The following SLC2A4 variants were observed in gnomAD, a reference collection of about 807,000 sequenced individuals.
SLC2A4 encodes the protein solute carrier family 2, facilitated glucose transporter member 4.
In SLC2A4, 31 loss-of-function variants were observed where a neutral mutation model predicts 53.3. The ratio of observed to expected loss-of-function variants is 0.58; its 90% CI spans 0.44 to 0.78. The LOEUF (loss-of-function observed/expected upper bound fraction) is 0.78. SLC2A4 is among the 30% of genes least tolerant of loss of function. The probability of loss-of-function intolerance (pLI) is 0.00; values close to 1 mark genes in which losing one functional copy is unlikely to be tolerated. For synonymous variants in SLC2A4, 276 were observed against 281.9 expected (o/e 0.98, Z 0.21); for missense variants, 538 against 655.7 (o/e 0.82, Z 1.96).
At position 7,283,659 on chromosome 17, in the gene SLC2A4, G is replaced by A; in HGVS notation, c.323+14G>A. 6.2e-7 allele frequency: 1 copy of A among 1,613,924 alleles called. No homozygotes were observed. The highest frequency in any genetic ancestry group is 1.1e-5 in the South Asian group (1 of 91,070). On this transcript the variant is annotated intron_variant, in intron 3 of 10. Coordinates refer to ENST00000317370, the MANE Select transcript of SLC2A4 (RefSeq NM_001042.3). The surrounding 1 kb of genome is among the most constrained non-coding windows in gnomAD (Gnocchi z 5.8). Reference sequence around the variant, plus strand: ...GTGGCTTGGAAGGTTCGCAGCTGGAGGGCAGGGGTGGGGGAAACAGGAAGG... The same window carrying A: ...GTGGCTTGGAAGGTTCGCAGCTGGAAGGCAGGGGTGGGGGAAACAGGAAGG...
chr17:7,287,068 T>A lies in SLC2A4; in HGVS notation c.*439T>A. On this transcript the variant is annotated 3_prime_UTR_variant, in exon 11 of 11. Coordinates refer to ENST00000317370, the MANE Select transcript of SLC2A4 (RefSeq NM_001042.3). ...CCACCACCTTGGACTCCTCCCACAA[T>A]CTGGGACTTTCACTGAATTCTTGCC... 1 of 172,390 alleles carries A rather than the reference T, an allele frequency of 5.8e-6. No homozygotes were observed. Among genetic ancestry groups the A allele is most frequent in the Non-Finnish European group, 1.2e-5 (1 of 80,346 alleles). The allele number at this position is 172,390 out of a possible 1,614,324, so 10.7% of individuals were successfully genotyped here.
chr17:7,286,287 T>C, intron 10 of SLC2A4, 139 bp from the exon 11 acceptor site: 1 of 782,412 alleles, frequency 1.3e-6, no homozygotes, highest in African/African-American at 1.7e-5. Flanking sequence ...TCCTGCTCAT[T>C]TCCCTTGTCC....
Position 7,283,874 on chromosome 17 carries a change from C to A in SLC2A4, c.448+12C>A, listed in dbSNP as rs1335344446. Reference sequence around the variant, plus strand: ...TGGCGCCTACTCAGGTACTCACGGGCACCACAGCCCTGCCTAGCGCCCTGT... The same window carrying A: ...TGGCGCCTACTCAGGTACTCACGGGAACCACAGCCCTGCCTAGCGCCCTGT... On this transcript the variant is annotated intron_variant, in intron 4 of 10. Coordinates refer to ENST00000317370, the MANE Select transcript of SLC2A4 (RefSeq NM_001042.3). This position sits in a 1 kb window ranked among gnomAD's most constrained non-coding sequence, Gnocchi z 5.8. The A allele has an allele frequency of 6.2e-7, 1 of 1,614,172 alleles. No individual in the cohort carries two copies. The highest frequency in any genetic ancestry group is 2.2e-5 in the East Asian group (1 of 44,888).
chr17:7,284,240 G>A lies in SLC2A4; in HGVS notation c.588G>A (p.Leu196=). The change falls in exon 6 of 11, where the codon CTG becomes CTA. Residue 196 remains leucine, a synonymous_variant. Transcript: ENST00000317370. The surrounding 1 kb of genome is among the most constrained non-coding windows in gnomAD (Gnocchi z 7.5). ...AGGTGCTGGGCTTGGAGTCCCTCCT[G>A]GGCACTGCCAGCCTGTGGCCACTGC... ...IAQVLGLESL[L]GTASLWPLLL... 1 of 1,613,362 alleles carries A rather than the reference G, an allele frequency of 6.2e-7. No individual in the cohort carries two copies. The highest frequency in any genetic ancestry group is 1.1e-5 in the South Asian group (1 of 91,084).
Position 7,284,641 on chromosome 17 carries a change from A to G in SLC2A4, c.884A>G (p.Gln295Arg). ...RQPLIIAVVL[Q>R]LSQQLSGINA... is the part of the protein sequence containing the mutation. ...CCCCTGATCATTGCGGTCGTGCTGC[A>G]GCTGAGCCAGCAGCTCTCTGGCATC... The change falls in exon 7 of 11, where the codon CAG becomes CGG. Residue 295 changes from glutamine (Q) to arginine (R), a missense_variant. Coordinates refer to ENST00000317370, the MANE Select transcript of SLC2A4 (RefSeq NM_001042.3). This position sits in a 1 kb window ranked among gnomAD's most constrained non-coding sequence, Gnocchi z 7.5. The G allele has an allele frequency of 6.2e-7, 1 of 1,614,140 alleles. No individual in the cohort carries two copies. Among genetic ancestry groups the G allele is most frequent in the Non-Finnish European group, 8.5e-7 (1 of 1,180,036 alleles).
At chr17:7,286,024 C>A in intron 10 of SLC2A4, 116 bp downstream of exon 10, 1 of 950,454 alleles carries the variant, frequency 1.1e-6, no homozygotes, top group South Asian at 1.6e-5. Flanking sequence ...GTCTTTGGGT[C>A]AGTTTGGTGG....
At position 7,285,352 on chromosome 17, in the gene SLC2A4, G is replaced by C. The variant is rs72556548; in HGVS notation, c.1122+163G>C. 1.5e-3 allele frequency among the ~76,000 whole-genome samples: 222 copies of C among 152,322 alleles called. No individual in the cohort carries two copies. Among genetic ancestry groups the C allele is most frequent in the African/African-American group, 5.1e-3 (211 of 41,568 alleles). On this transcript the variant is annotated intron_variant, in intron 9 of 10. Transcript: ENST00000317370. This position sits in a 1 kb window ranked among gnomAD's most constrained non-coding sequence, Gnocchi z 6.0. The stretch of plus-strand genomic sequence containing the variant: ...ACTGGCTCCAGAATCTGCTGGGATT[G>C]TGGTCTGCTCCTGAGGGATTTGGGC...
In SLC2A4 at chr17:7,286,474, G is replaced by C. The variant is rs1186065501; in HGVS notation, c.1375G>C (p.Gly459Arg). The change falls in exon 11 of 11, where the codon GGC becomes CGC. Residue 459 changes from glycine (G) to arginine (R), a missense_variant. Transcript: ENST00000317370. ...CCTTCTATTTGCGGTCCTCCTGCTG[G>C]GCTTCTTCATCTTCACCTTCTTAAG... ...VFLLFAVLLL[G>R]FFIFTFLRVP... The C allele has an allele frequency of 6.2e-7, 1 of 1,614,036 alleles. No homozygotes were observed. The highest frequency in any genetic ancestry group is 1.7e-5 in the Admixed American group (1 of 59,994).
Position 7,286,455 on chromosome 17 carries a change from A to G in SLC2A4, c.1356A>G (p.Leu452=), listed in dbSNP as rs773634556. The part of the protein sequence containing the change: ...AEAMGPYVFL[L]FAVLLLGFFI... Reference sequence around the variant, plus strand: ...CTATGGGGCCCTACGTCTTCCTTCTATTTGCGGTCCTCCTGCTGGGCTTCT... The same window carrying G: ...CTATGGGGCCCTACGTCTTCCTTCTGTTTGCGGTCCTCCTGCTGGGCTTCT... Residue 452 remains leucine, a synonymous_variant, in exon 11 of 11, where the codon CTA becomes CTG. Coordinates refer to ENST00000317370, the MANE Select transcript of SLC2A4 (RefSeq NM_001042.3). 8.7e-6 allele frequency: 14 copies of G among 1,613,736 alleles called. No individual in the cohort carries two copies. In the African/African-American group the frequency reaches 1.6e-4, roughly 18 times the overall value.
Position 7,284,927 on chromosome 17 carries a change from C to T in SLC2A4, c.1008C>T (p.Phe336=), listed in dbSNP as rs1376877046. 7 of 1,614,140 alleles carry T rather than the reference C, an allele frequency of 4.3e-6. No individual in the cohort carries two copies. The highest frequency in any genetic ancestry group is 1.6e-4 in the Middle Eastern group (1 of 6,084). Residue 336 remains phenylalanine, a synonymous_variant, in exon 8 of 11, where the codon TTC becomes TTT. Coordinates refer to ENST00000317370, the MANE Select transcript of SLC2A4 (RefSeq NM_001042.3). The surrounding 1 kb of genome is among the most constrained non-coding windows in gnomAD (Gnocchi z 7.5). The part of the protein sequence containing the change: ...TIGAGVVNTV[F]TLVSVLLVER... Reference sequence around the variant, plus strand: ...GAGCTGGTGTGGTCAACACAGTCTTCACCTTGGTCTCGGTAACTGCTCACC... The same window carrying T: ...GAGCTGGTGTGGTCAACACAGTCTTTACCTTGGTCTCGGTAACTGCTCACC...
Position 7,283,594 on chromosome 17 carries a change from G to A in SLC2A4, c.272G>A (p.Gly91Asp). 6.2e-7 allele frequency: 1 copy of A among 1,614,036 alleles called. No homozygotes were observed. The highest frequency in any genetic ancestry group is 1.1e-5 in the South Asian group (1 of 91,066). ...WALSVAIFSV[G>D]GMISSFLIGI... ...CTCTCCGTGGCCATCTTTTCCGTGG[G>A]CGGCATGATTTCCTCCTTCCTCATT... Residue 91 changes from glycine to aspartate, a missense_variant, in exon 3 of 11, where the codon GGC becomes GAC. Transcript: ENST00000317370. This position sits in a 1 kb window ranked among gnomAD's most constrained non-coding sequence, Gnocchi z 5.8.
chr17:7,282,553 C>T lies in SLC2A4; in HGVS notation c.33+586C>T, dbSNP rs879885010. The T allele has an allele frequency of 5.7e-5, 22 of 386,796 alleles. No individual in the cohort carries two copies. Among genetic ancestry groups the T allele is most frequent in the Non-Finnish European group, 8.8e-5 (17 of 192,352 alleles). The allele number at this position is 386,796 out of a possible 1,614,324, so 24.0% of individuals were successfully genotyped here. A position where few individuals can be genotyped will look rare whatever the true frequency, so the allele number is the denominator to read the frequency against. ...ACCGCCCCTCACACTACCTTCCTGC[C>T]CTCCTCCCCTGGGCATGGCTCTCCC... On this transcript the variant is annotated intron_variant, in intron 1 of 10. Coordinates refer to ENST00000317370, the MANE Select transcript of SLC2A4 (RefSeq NM_001042.3). This position sits in a 1 kb window ranked among gnomAD's most constrained non-coding sequence, Gnocchi z 4.1.
chr17:7,285,380 CA>C lies in SLC2A4; in HGVS notation c.1122+192del, dbSNP rs2072441036. Among the ~76,000 whole-genome samples the C allele has an allele frequency of 6.6e-6, 1 of 152,214 alleles. No individual in the cohort carries two copies. The highest frequency in any genetic ancestry group is 2.4e-5 in the African/African-American group (1 of 41,450). The stretch of plus-strand genomic sequence containing the variant: ...GTCTGCTCCTGAGGGATTTGGGCTG[CA>C]CTGGGAGGCAGCTGTGGCACAACTC... On this transcript the variant is annotated intron_variant, in intron 9 of 10. Coordinates refer to ENST00000317370, the MANE Select transcript of SLC2A4 (RefSeq NM_001042.3). The surrounding 1 kb of genome is among the most constrained non-coding windows in gnomAD (Gnocchi z 6.0).
Position 7,286,421 on chromosome 17 carries a change from C to G in SLC2A4, c.1327-5C>G. 2 of 1,613,714 alleles carry G rather than the reference C, an allele frequency of 1.2e-6. No individual in the cohort carries two copies. Among genetic ancestry groups the G allele is most frequent in the South Asian group, 1.1e-5 (1 of 91,044 alleles). The stretch of plus-strand genomic sequence containing the variant: ...CGTCAACACCTCTTTCTCCACCTGT[C>G]CCAGGAGGCTATGGGGCCCTACGTC... On this transcript the variant is annotated splice_region_variant and splice_polypyrimidine_tract_variant and intron_variant, in intron 10 of 10. Transcript: ENST00000317370.
rs2072452429 is a variant in SLC2A4 at position 7,286,578 on chromosome 17, G to A, written c.1479G>A (p.Glu493=). The part of the protein sequence containing the change: ...FHRTPSLLEQ[E]VKPSTELEYL... Reference sequence around the variant, plus strand: ...GGACACCCTCTCTTTTAGAGCAGGAGGTGAAACCCAGCACAGAACTTGAGT... The same window carrying A: ...GGACACCCTCTCTTTTAGAGCAGGAAGTGAAACCCAGCACAGAACTTGAGT... The change falls in exon 11 of 11, where the codon GAG becomes GAA. Residue 493 remains glutamate (E), a synonymous_variant. Coordinates refer to ENST00000317370, the MANE Select transcript of SLC2A4 (RefSeq NM_001042.3). 1.2e-6 allele frequency: 2 copies of A among 1,614,204 alleles called. No homozygotes were observed. The highest frequency in any genetic ancestry group is 8.5e-7 in the Non-Finnish European group (1 of 1,180,046).
Position 7,282,257 on chromosome 17 carries a change from C to A in SLC2A4, c.33+290C>A. ...CGGCGCGGCGCTCCGGAATCGGGGACACCCTGCCCTCGATCCGACTCGGGA... is the reference window on the plus strand; with the variant it reads ...CGGCGCGGCGCTCCGGAATCGGGGAAACCCTGCCCTCGATCCGACTCGGGA... On this transcript the variant is annotated intron_variant, in intron 1 of 10. Coordinates refer to ENST00000317370, the MANE Select transcript of SLC2A4 (RefSeq NM_001042.3). The surrounding 1 kb of genome is among the most constrained non-coding windows in gnomAD (Gnocchi z 4.1). The A allele has an allele frequency of 1.7e-6, 1 of 597,198 alleles. No homozygotes were observed. Among genetic ancestry groups the A allele is most frequent in the Middle Eastern group, 4.4e-4 (1 of 2,248 alleles). The allele number at this position is 597,198 out of a possible 1,614,324, so 37.0% of individuals were successfully genotyped here.
At position 7,284,737 on chromosome 17, in the gene SLC2A4, A is replaced by AC. The variant is rs72556542; in HGVS notation, c.915+70dup. 1.7e-3 allele frequency: 2,781 copies of AC among 1,607,818 alleles called. 33 individuals carry two copies. In the African/African-American group the frequency reaches 0.026, roughly 15 times the overall value. On this transcript the variant is annotated intron_variant, in intron 7 of 10. Coordinates refer to ENST00000317370, the MANE Select transcript of SLC2A4 (RefSeq NM_001042.3). This position sits in a 1 kb window ranked among gnomAD's most constrained non-coding sequence, Gnocchi z 7.5. ...GAGGGTAGACGAGAGTGGGGAGCAA[A>AC]CCCCCTCCACCAACACCCAGGGTAG...
Position 7,282,881 on chromosome 17 carries a change from C to T in SLC2A4, c.34-364C>T, listed in dbSNP as rs1318800814. ...GATAGGTAGGCAAGGCAGGCAACAT[C>T]ACCCCCATCTCACAGAGGACACTCA... On this transcript the variant is annotated intron_variant, in intron 1 of 10. Transcript: ENST00000317370. This position sits in a 1 kb window ranked among gnomAD's most constrained non-coding sequence, Gnocchi z 4.1. The T allele has an allele frequency of 3.2e-5, 12 of 375,248 alleles. 1 individual carries two copies. Among genetic ancestry groups the T allele is most frequent in the South Asian group, 2.4e-4 (11 of 45,846 alleles). 23.2% of individuals were successfully genotyped at this position (375,248 alleles called of 1,614,324 possible).
At position 7,284,715 on chromosome 17, in the gene SLC2A4, G is replaced by A. The variant is rs1567602327; in HGVS notation, c.915+43G>A. ...TCCAGGCAGGGCACAGCCCCGGGAG[G>A]GTAGACGAGAGTGGGGAGCAAACCC... is the stretch of plus-strand genomic sequence containing the variant. On this transcript the variant is annotated intron_variant, in intron 7 of 10. Transcript: ENST00000317370. The surrounding 1 kb of genome is among the most constrained non-coding windows in gnomAD (Gnocchi z 7.5). 1 of 1,612,512 alleles carries A rather than the reference G, an allele frequency of 6.2e-7. No individual in the cohort carries two copies. Among genetic ancestry groups the A allele is most frequent in the African/African-American group, 1.3e-5 (1 of 75,046 alleles).
Sources: allele counts gnomAD v4.1 joint callset (sites outside exome capture counted in the v4.1 genomes callset), GRCh38; gene constraint gnomAD v4.1.1; non-coding constraint Gnocchi (gnomAD v3.1); transcripts MANE v1.5; gene names NCBI Gene and HGNC (gene_info 2026-07-23, HGNC 2026-07-21).